Variants in MAD2L1BP observed in about 807,000 individuals in gnomAD.
MAD2L1BP encodes the protein MAD2L1-binding protein.
Under a neutral mutation model 28.4 loss-of-function variants are expected in MAD2L1BP, and 22 were observed. The observed-to-expected ratio is 0.77, with a 90% CI of 0.55 to 1.10. The LOEUF (loss-of-function observed/expected upper bound fraction) is 1.10, where lower values mean the gene tolerates loss of function less well. MAD2L1BP is among the 50% of genes least tolerant of loss of function. The pLI is 0.00. For synonymous variants in MAD2L1BP, 146 were observed against 133.7 expected, an observed-to-expected ratio of 1.09 and a Z score of -0.63; for missense variants, 325 against 350.5, an observed-to-expected ratio of 0.93 and a Z score of 0.58.
At position 43,640,710 on chromosome 6, in the gene MAD2L1BP, CTG is replaced by C. The variant is rs1770514109; in HGVS notation, c.*180_*181del. On this transcript the variant is annotated 3_prime_UTR_variant, in exon 3 of 3. Transcript: ENST00000372171. ...ATAGGCTGATGGCATGTGGCTGTGA[CTG>C]TGACTGTAATCATTGCTGAACAACA... The C allele has an allele frequency of 1.6e-6, 1 of 612,956 alleles. No individual in the cohort carries two copies. The highest frequency in any genetic ancestry group is 3.4e-5 in the Admixed American group (1 of 29,752). The allele number at this position is 612,956 out of a possible 1,614,324, so 38.0% of individuals were successfully genotyped here.
At chr6:43,630,786 G>T (rs1461895103) in intron 1 of MAD2L1BP, among the ~76,000 whole-genome samples, 2 of 150,628 alleles carry the variant, frequency 1.3e-5, no homozygotes, top group Non-Finnish European at 3.0e-5. Context: ...GTGCACATCT[G>T]TGGTCCCAGC....
intron 2 of MAD2L1BP, chr6:43,636,956 CA>C (rs1770261148): frequency 8.7e-6 from 2 of 228,748 alleles, no homozygotes; most frequent in Non-Finnish European, 1.7e-5. Context: ...CAGCTCACTG[CA>C]ACCTCCGCCT....
chr6:43,631,787 A>G (rs1769939499), upstream of MAD2L1BP, among the ~76,000 whole-genome samples: 1 of 151,548 alleles, frequency 6.6e-6, no homozygotes, highest in Non-Finnish European at 1.5e-5. Context: ...CACCTGACCT[A>G]CTATTTTATT....
upstream of MAD2L1BP, among the ~76,000 whole-genome samples, chr6:43,631,089 T>C (rs1769902428): frequency 6.6e-6 from 1 of 152,066 alleles, no homozygotes; most frequent in Admixed American, 6.6e-5. Flanking sequence ...GGAGGCAGGT[T>C]TACTGATCAT....
chr6:43,639,809 A>G (rs542118023), intron 2 of MAD2L1BP, among the ~76,000 whole-genome samples: 78 of 152,332 alleles, frequency 5.1e-4, no homozygotes, highest in African/African-American at 1.5e-3. Flanking sequence ...TTGCTGTTCT[A>G]AATGTGGGAG....
upstream of MAD2L1BP, among the ~76,000 whole-genome samples, chr6:43,631,898 T>C (rs12195547): frequency 6.3e-3 from 960 of 152,168 alleles, 6 homozygotes; most frequent in Middle Eastern, 0.01. Context: ...GAAGTTGTTG[T>C]TGTTTGTTTG....
upstream of MAD2L1BP, among the ~76,000 whole-genome samples, chr6:43,631,299 ACTG>A (rs1446864558): frequency 6.6e-6 from 1 of 152,132 alleles, no homozygotes; most frequent in Admixed American, 6.6e-5. Context: ...TACTAGGGAA[ACTG>A]CTGCTTAGAG....
At chr6:43,637,889 G>A (rs1485421689) in intron 2 of MAD2L1BP, among the ~76,000 whole-genome samples, 1 of 149,996 alleles carries the variant, frequency 6.7e-6, no homozygotes, top group East Asian at 2.0e-4. Flanking sequence ...ATGAGCCACC[G>A]TGCTCCGCCT....
Position 43,636,584 on chromosome 6 carries a change from C to T in MAD2L1BP, c.250C>T (p.Arg84Cys), listed in dbSNP as rs145551253. 1 of 1,614,196 alleles carries T rather than the reference C, an allele frequency of 6.2e-7. No homozygotes were observed. Among genetic ancestry groups the T allele is most frequent in the Non-Finnish European group, 8.5e-7 (1 of 1,180,034 alleles). ...CELLKHIMYQ[R>C]QQLPLPYEQL... ...ACTTCTAAAGCATATCATGTATCAA[C>T]GCCAGCAGCTCCCTCTGCCCTATGA... is the stretch of plus-strand genomic sequence containing the variant. The change falls in exon 2 of 3, where the codon CGC becomes TGC. Residue 84 changes from arginine to cysteine, a missense_variant. Coordinates refer to ENST00000372171, the MANE Select transcript of MAD2L1BP (RefSeq NM_014628.3).
upstream of MAD2L1BP, chr6:43,633,382 G>C: frequency 3.3e-6 from 1 of 303,100 alleles, no homozygotes. Context: ...ATGTTGGTCA[G>C]GCTGGTCTCA....
upstream of MAD2L1BP, among the ~76,000 whole-genome samples, chr6:43,634,978 A>G (rs750103859): frequency 6.6e-6 from 1 of 152,180 alleles, no homozygotes; most frequent in Non-Finnish European, 1.5e-5. Flanking sequence ...TGACTACGCT[A>G]GGTTAGGCTG....
chr6:43,629,750 A>G (rs1769778028), exon 1 of MAD2L1BP: 4 of 1,555,372 alleles, frequency 2.6e-6, no homozygotes, highest in East Asian at 4.8e-5. Context: ...TTCTTCCCCT[A>G]TGGCCCGCGT....
upstream of MAD2L1BP, among the ~76,000 whole-genome samples, chr6:43,631,555 C>T (rs1769927462): frequency 6.6e-6 from 1 of 152,210 alleles, no homozygotes; most frequent in African/African-American, 2.4e-5. Flanking sequence ...GTGATCACAG[C>T]TCATTGCAGC....
chr6:43,640,888 T>A lies in MAD2L1BP; in HGVS notation c.*355T>A, dbSNP rs568153675. 1 of 236,728 alleles carries A rather than the reference T, an allele frequency of 4.2e-6. No individual in the cohort carries two copies. Among genetic ancestry groups the A allele is most frequent in the Non-Finnish European group, 8.2e-6 (1 of 122,046 alleles). The allele number at this position is 236,728 out of a possible 1,614,324, so 14.7% of individuals were successfully genotyped here. The stretch of plus-strand genomic sequence containing the variant: ...CCTTTCAGAATTTTTACCAGGAACA[T>A]AATGTGGATGTGACTTATGAACTTA... On this transcript the variant is annotated 3_prime_UTR_variant, in exon 3 of 3. Transcript: ENST00000372171.
upstream of MAD2L1BP, chr6:43,635,754 C>T: frequency 2.0e-6 from 2 of 988,488 alleles, no homozygotes; most frequent in Non-Finnish European, 1.4e-6. Flanking sequence ...ACCTCCCCCA[C>T]ACTGCGGCGA....
At chr6:43,634,905 C>T (rs1182751719), upstream of MAD2L1BP, among the ~76,000 whole-genome samples, 1 of 152,042 alleles carries the variant, frequency 6.6e-6, no homozygotes, top group African/African-American at 2.4e-5. Context: ...AAATCAATCC[C>T]CAAGTTATGT....
exon 1 of MAD2L1BP, chr6:43,629,640 C>A: frequency 8.4e-7 from 1 of 1,186,802 alleles, no homozygotes; most frequent in Non-Finnish European, 1.2e-6. Flanking sequence ...CGGGATTTGG[C>A]CCTTTAGCGC....
Position 43,636,543 on chromosome 6 carries a change from G to C in MAD2L1BP, c.209G>C (p.Cys70Ser). 1.2e-6 allele frequency: 2 copies of C among 1,614,190 alleles called. No homozygotes were observed. Among genetic ancestry groups the C allele is most frequent in the South Asian group, 2.2e-5 (2 of 91,084 alleles). Residue 70 changes from cysteine (C) to serine (S), a missense_variant, in exon 2 of 3, where the codon TGT becomes TCT. Coordinates refer to ENST00000372171, the MANE Select transcript of MAD2L1BP (RefSeq NM_014628.3). Reference protein sequence around the residue: ...FPGPVSQEGCCQFTCELLKHI... With the variant: ...FPGPVSQEGCSQFTCELLKHI... ...GGGCCTGTGAGCCAGGAAGGCTGCT[G>C]TCAGTTTACTTGTGAACTTCTAAAG... is the stretch of plus-strand genomic sequence containing the variant.
exon 1 of MAD2L1BP, chr6:43,629,641 C>T: frequency 5.0e-6 from 6 of 1,208,382 alleles, no homozygotes; most frequent in Non-Finnish European, 6.0e-6. Flanking sequence ...GGGATTTGGC[C>T]CTTTAGCGCG....
Sources: gnomAD v4.1 joint callset for allele counts (sites outside exome capture counted in the v4.1 genomes callset) on GRCh38, gnomAD v4.1.1 for gene constraint, MANE v1.5 for transcripts, NCBI Gene and HGNC (gene_info 2026-07-23, HGNC 2026-07-21) for gene names.